Variants in THSD7A observed in about 807,000 individuals in gnomAD.
THSD7A encodes the protein thrombospondin type 1 domain containing 7A, also known as thrombospondin type-1 domain-containing protein 7A.
In THSD7A, 96 loss-of-function variants were observed where a neutral mutation model predicts 231.3. That is an observed-to-expected ratio of 0.41 (90% CI 0.35 to 0.49). The LOEUF is 0.49. Ranked by LOEUF, THSD7A falls within the 20% of genes least tolerant of loss-of-function variation. The probability of loss-of-function intolerance (pLI) is 0.05; values close to 1 mark genes in which losing one functional copy is unlikely to be tolerated. For missense variants in THSD7A, 2,290 were observed against 2,070.2 expected (o/e 1.11, Z -2.06); for synonymous variants, 940 against 743.3 (o/e 1.26, Z -4.30).
intron 1 of THSD7A, among the ~76,000 whole-genome samples, chr7:11,753,358 T>C (rs1235376637): frequency 6.6e-6 from 1 of 152,106 alleles, no homozygotes; most frequent in Non-Finnish European, 1.5e-5. Context: ...CTCGCTGGTA[T>C]GCATTATTGC....
In THSD7A at chr7:11,425,925, T is replaced by C. The variant is rs142653888; in HGVS notation, c.3249+741A>G. ...AAAAACCTAAGTAAAATGAATAAAG[T>C]GGACCTGTCTCAAAGAGGAATAAAA... is the stretch of plus-strand genomic sequence containing the variant. On this transcript the variant is annotated intron_variant, in intron 15 of 27. Transcript: ENST00000423059. Among the ~76,000 whole-genome samples the C allele has an allele frequency of 1.2e-3, 177 of 152,198 alleles. 2 individuals carry two copies. The highest frequency in any genetic ancestry group is 2.2e-3 in the Non-Finnish European group (150 of 68,012).
At chr7:11,780,374 G>A (rs546516358) in intron 1 of THSD7A, among the ~76,000 whole-genome samples, 44 of 152,214 alleles carry the variant, frequency 2.9e-4, no homozygotes, top group African/African-American at 9.6e-4. Flanking sequence ...CATGACTTTC[G>A]TGGCAAGATC....
At chr7:11,548,510 G>C (rs1019440685) in intron 4 of THSD7A, among the ~76,000 whole-genome samples, 2 of 152,026 alleles carry the variant, frequency 1.3e-5, no homozygotes, top group Admixed American at 1.3e-4. Flanking sequence ...CTCATTCTAT[G>C]AGGCTAGCAT....
At chr7:11,378,848 T>C (rs1252648812) in intron 26 of THSD7A, 2 of 529,508 alleles carry the variant, frequency 3.8e-6, no homozygotes, top group Non-Finnish European at 6.6e-6. Context: ...ATCCAAAATT[T>C]TTTCTCAGAA....
chr7:11,450,061 A>G (rs993125600), intron 11 of THSD7A, among the ~76,000 whole-genome samples: 7 of 152,058 alleles, frequency 4.6e-5, no homozygotes, highest in Non-Finnish European at 8.8e-5. Flanking sequence ...ACAGACTTCA[A>G]TATAAATCTT....
intron 6 of THSD7A, among the ~76,000 whole-genome samples, chr7:11,490,173 T>C (rs1786829172): frequency 6.6e-6 from 1 of 152,084 alleles, no homozygotes; most frequent in South Asian, 2.1e-4. Flanking sequence ...GCACCCACTT[T>C]CCAGCCCAGG....
intron 1 of THSD7A, among the ~76,000 whole-genome samples, chr7:11,825,211 G>T (rs1355303547): frequency 3.3e-5 from 5 of 152,080 alleles, no homozygotes; most frequent in African/African-American, 1.2e-4. Context: ...CAGCATTTAG[G>T]TCACGGTAGT....
intron 1 of THSD7A, among the ~76,000 whole-genome samples, chr7:11,797,319 C>T (rs1256813737): frequency 6.6e-6 from 1 of 151,514 alleles, no homozygotes; most frequent in African/African-American, 2.4e-5. Flanking sequence ...CCACATTACT[C>T]ATTTTGCTTT....
At chr7:11,531,793 C>G (rs964739742) in intron 6 of THSD7A, among the ~76,000 whole-genome samples, 3 of 152,114 alleles carry the variant, frequency 2.0e-5, no homozygotes, top group East Asian at 3.9e-4. Context: ...GCTGGCACTT[C>G]CGGGTATAGC....
intron 1 of THSD7A, among the ~76,000 whole-genome samples, chr7:11,697,819 T>A (rs1389245317): frequency 2.0e-5 from 3 of 151,390 alleles, no homozygotes; most frequent in African/African-American, 7.3e-5. Flanking sequence ...GTCACGCAGT[T>A]TCCATCCTTA....
At chr7:11,789,329 A>G (rs1174870193) in intron 1 of THSD7A, among the ~76,000 whole-genome samples, 1 of 152,124 alleles carries the variant, frequency 6.6e-6, no homozygotes, top group East Asian at 1.9e-4. Context: ...TCTGAGGAGA[A>G]ATGAAAGCCA....
intron 2 of THSD7A, among the ~76,000 whole-genome samples, chr7:11,626,129 A>G (rs1174172921): frequency 1.3e-5 from 2 of 152,118 alleles, no homozygotes; most frequent in South Asian, 2.1e-4. Context: ...AAATCCATCA[A>G]AGGTTTAAAA....
At chr7:11,509,570 T>C (rs539407905) in intron 6 of THSD7A, among the ~76,000 whole-genome samples, 2 of 152,010 alleles carry the variant, frequency 1.3e-5, no homozygotes, top group East Asian at 3.9e-4. Context: ...CGGTGGCTCA[T>C]GTCTGTAATC....
intron 4 of THSD7A, among the ~76,000 whole-genome samples, chr7:11,549,744 G>A (rs1247444081): frequency 6.6e-6 from 1 of 151,548 alleles, no homozygotes; most frequent in Non-Finnish European, 1.5e-5. Flanking sequence ...ACAGGGAGGG[G>A]AACAACATAC....
At chr7:11,652,843 C>T (rs988222287) in intron 1 of THSD7A, among the ~76,000 whole-genome samples, 3 of 151,758 alleles carry the variant, frequency 2.0e-5, no homozygotes, top group African/African-American at 7.3e-5. Flanking sequence ...ATTGATTATT[C>T]CTATAATTGA....
chr7:11,660,718 T>C (rs1214089787), intron 1 of THSD7A, among the ~76,000 whole-genome samples: 4 of 151,404 alleles, frequency 2.6e-5, no homozygotes, highest in Non-Finnish European at 5.9e-5. Flanking sequence ...ATGGATTAAG[T>C]AGGTAAATAT....
intron 4 of THSD7A, among the ~76,000 whole-genome samples, chr7:11,584,270 T>A (rs1457453315): frequency 1.3e-5 from 2 of 152,114 alleles, no homozygotes; most frequent in Non-Finnish European, 2.9e-5. Context: ...TTGGAAAAAA[T>A]ATATATGCAA....
intron 9 of THSD7A, among the ~76,000 whole-genome samples, chr7:11,466,707 T>C (rs1481977016): frequency 2.0e-5 from 3 of 152,058 alleles, no homozygotes; most frequent in Non-Finnish European, 4.4e-5. Flanking sequence ...ACATGACCTG[T>C]GTTCAGGGAA....
intron 6 of THSD7A, among the ~76,000 whole-genome samples, chr7:11,492,048 A>G (rs903591740): frequency 1.3e-5 from 2 of 151,946 alleles, no homozygotes; most frequent in African/African-American, 4.8e-5. Flanking sequence ...CCCTCTAATG[A>G]TTCTCTGTGG....
Sources: allele counts gnomAD v4.1 joint callset (sites outside exome capture counted in the v4.1 genomes callset), GRCh38; gene constraint gnomAD v4.1.1; transcripts MANE v1.5; gene names NCBI Gene and HGNC (gene_info 2026-07-23, HGNC 2026-07-21).